Variants in CES4A observed in about 807,000 individuals in gnomAD.
CES4A encodes carboxylesterase 6.
A neutral mutation model predicts 65.4 loss-of-function variants in CES4A; 48 were observed. The ratio of observed to expected loss-of-function variants is 0.73; its 90% CI spans 0.58 to 0.93. The LOEUF is 0.93. CES4A is among the 40% of genes least tolerant of loss of function. CES4A has a pLI of 0.00. For synonymous variants in CES4A, 247 were observed against 281.8 expected, an observed-to-expected ratio of 0.88 and a Z score of 1.24; for missense variants, 685 against 728.5, an observed-to-expected ratio of 0.94 and a Z score of 0.69.
At chr16:66,991,680 G>A (rs1240018567) in intron 1 of CES4A, among the ~76,000 whole-genome samples, 1 of 152,198 alleles carries the variant, frequency 6.6e-6, no homozygotes, top group Non-Finnish European at 1.5e-5. Flanking sequence ...GAAAAACATG[G>A]TTTAAGGCAC....
chr16:67,009,298 T>C (rs947484796), exon 14 of CES4A: 1 of 693,630 alleles, frequency 1.4e-6, no homozygotes, highest in South Asian at 2.0e-5. Flanking sequence ...GCTAGAGCTT[T>C]TGCCTGTTGT....
chr16:66,992,905 T>G (rs1964503145), intron 1 of CES4A, among the ~76,000 whole-genome samples: 1 of 152,104 alleles, frequency 6.6e-6, no homozygotes, highest in African/African-American at 2.4e-5. Context: ...AGACTGGTCT[T>G]GAACTCCTGA....
chr16:67,000,487 G>A lies in CES4A; in HGVS notation c.261-151G>A. On this transcript the variant is annotated intron_variant, in intron 2 of 13. Transcript: ENST00000648724. The surrounding 1 kb of genome is among the most constrained non-coding windows in gnomAD (Gnocchi z 4.2). ...AGTCCTGGGCCCCGGGGCTGGCGGA[G>A]GCCTCCTGTACACGCACACGCACGC... The A allele has an allele frequency of 3.5e-6, 5 of 1,424,888 alleles. No individual in the cohort carries two copies. In the South Asian group the frequency reaches 6.0e-5, roughly 17 times the overall value. 88.3% of individuals were successfully genotyped at this position (1,424,888 alleles called of 1,614,324 possible). A position where few individuals can be genotyped will look rare whatever the true frequency, so the allele number is the denominator to read the frequency against.
chr16:67,004,551 G>A (rs917612566), intron 9 of CES4A, among the ~76,000 whole-genome samples: 2 of 152,194 alleles, frequency 1.3e-5, no homozygotes, highest in African/African-American at 4.8e-5. Flanking sequence ...CTGGGTCAGG[G>A]TAGATGCCCC....
At position 67,003,354 on chromosome 16, in the gene CES4A, CA is replaced by C. The variant is rs1243164716; in HGVS notation, c.896del (p.Lys299ArgfsTer2). ...GGACCAAGGTGATGCGTGTGTCCAA[CA>C]AGATGGTAGGTAGAACATTCCAGCT... On this transcript the variant is annotated frameshift_variant, in exon 7 of 14. Coordinates refer to ENST00000648724, the Ensembl canonical transcript of CES4A. LOFTEE classifies it high-confidence loss of function. The surrounding 1 kb of genome is among the most constrained non-coding windows in gnomAD (Gnocchi z 4.2). The C allele has an allele frequency of 6.2e-7, 1 of 1,613,632 alleles. No individual in the cohort carries two copies. The highest frequency in any genetic ancestry group is 8.5e-7 in the Non-Finnish European group (1 of 1,179,802).
At chr16:66,996,809 T>A (rs1426037774) in intron 2 of CES4A, among the ~76,000 whole-genome samples, 1 of 152,020 alleles carries the variant, frequency 6.6e-6, no homozygotes, top group Non-Finnish European at 1.5e-5. Context: ...ATACCAGAAT[T>A]TTGATAGGCC....
chr16:66,995,640 C>A, exon 2 of CES4A: 5 of 1,614,096 alleles, frequency 3.1e-6, no homozygotes, highest in Non-Finnish European at 4.2e-6. Context: ...GCCTTGCACA[C>A]CAAGAGGCCT....
At chr16:66,989,528 G>A (rs987901719) in intron 1 of CES4A, among the ~76,000 whole-genome samples, 2 of 151,538 alleles carry the variant, frequency 1.3e-5, no homozygotes, top group African/African-American at 2.4e-5. Flanking sequence ...ACCTAGCCTG[G>A]GTAAATAGAC....
At chr16:67,004,410 G>A (rs1227229610) in intron 9 of CES4A, among the ~76,000 whole-genome samples, 186 bp downstream of exon 9, 1 of 152,210 alleles carries the variant, frequency 6.6e-6, no homozygotes, top group Non-Finnish European at 1.5e-5. Context: ...GAATGATGGA[G>A]GGGAAGAAGG....
chr16:66,989,106 C>T (rs1964172006), intron 1 of CES4A, among the ~76,000 whole-genome samples: 1 of 152,150 alleles, frequency 6.6e-6, no homozygotes, highest in Non-Finnish European at 1.5e-5. Flanking sequence ...TTTCTTCCTT[C>T]CCACCTTTTT....
chr16:66,996,515 C>T (rs961651261), intron 2 of CES4A, among the ~76,000 whole-genome samples: 1 of 152,188 alleles, frequency 6.6e-6, no homozygotes. Context: ...AGCCCTGAGT[C>T]ACAGAAGCAT....
rs1280963965 is a variant in CES4A, at chr16:67,001,208, A to G, written c.537-100A>G. The stretch of plus-strand genomic sequence containing the variant: ...GTGTGGTCGCAGGACTGGGTCTTAG[A>G]GGGGCAAGGCTGGGCTGGGTGGGGG... On this transcript the variant is annotated intron_variant, in intron 4 of 13. Transcript: ENST00000648724. The surrounding 1 kb of genome is among the most constrained non-coding windows in gnomAD (Gnocchi z 4.1). 2.6e-5 allele frequency: 37 copies of G among 1,399,344 alleles called. No individual in the cohort carries two copies. The highest frequency in any genetic ancestry group is 3.1e-5 in the Non-Finnish European group (33 of 1,057,860). The allele number at this position is 1,399,344 out of a possible 1,614,324, so 86.7% of individuals were successfully genotyped here.
chr16:67,007,025 A>C, intron 13 of CES4A: 1 of 557,118 alleles, frequency 1.8e-6, no homozygotes, highest in Non-Finnish European at 3.2e-6. Context: ...CATGACCCAC[A>C]CTCTTCATTC....
Position 67,000,092 on chromosome 16 carries a change from G to T in CES4A, c.261-546G>T, listed in dbSNP as rs143876555. Among the ~76,000 whole-genome samples the T allele has an allele frequency of 3.3e-3, 507 of 152,286 alleles. 2 individuals carry two copies. Among genetic ancestry groups the T allele is most frequent in the African/African-American group, 0.011 (469 of 41,560 alleles). On this transcript the variant is annotated intron_variant, in intron 2 of 13. Transcript: ENST00000648724. The surrounding 1 kb of genome is among the most constrained non-coding windows in gnomAD (Gnocchi z 4.2). Reference sequence around the variant, plus strand: ...TGGAGAGCCAGGGAAGATTTTTGTTGATTTGTTTGTTTTTATTGATATATC... The same window carrying T: ...TGGAGAGCCAGGGAAGATTTTTGTTTATTTGTTTGTTTTTATTGATATATC...
chr16:67,005,085 A>G, intron 10 of CES4A, 155 bp from the exon 11 acceptor site: 6 of 844,882 alleles, frequency 7.1e-6, no homozygotes, highest in Non-Finnish European at 1.2e-5. Flanking sequence ...AGGGGTTACA[A>G]TCAGCAGAGA....
At chr16:66,988,727 C>G in exon 1 of CES4A, 1 of 1,552,488 alleles carries the variant, frequency 6.4e-7, no homozygotes, top group Non-Finnish European at 8.7e-7. Flanking sequence ...TGTTGCCATC[C>G]ACAGTGTTGC....
rs766294699 is a variant in CES4A, at chr16:67,003,031, T to C, written c.691-39T>C. 5.2e-6 allele frequency: 8 copies of C among 1,538,844 alleles called. No individual in the cohort carries two copies. The highest frequency in any genetic ancestry group is 2.2e-5 in the East Asian group (1 of 44,508). On this transcript the variant is annotated intron_variant, in intron 5 of 13. Transcript: ENST00000648724. The surrounding 1 kb of genome is among the most constrained non-coding windows in gnomAD (Gnocchi z 4.2). Reference sequence around the variant, plus strand: ...CCCAGAACAGCCCAGGTGTCTCTACTTGGGCATCTCACGGGTGTATTCCTC... The same window carrying C: ...CCCAGAACAGCCCAGGTGTCTCTACCTGGGCATCTCACGGGTGTATTCCTC...
chr16:66,993,672 C>A (rs1597052803), intron 1 of CES4A, among the ~76,000 whole-genome samples: 1 of 152,272 alleles, frequency 6.6e-6, no homozygotes, highest in Middle Eastern at 3.4e-3. Flanking sequence ...TGTAGATGAG[C>A]TGTGCTCACA....
At chr16:66,989,028 C>T (rs140418356) in intron 1 of CES4A, among the ~76,000 whole-genome samples, 198 bp downstream of exon 1, 1 of 152,172 alleles carries the variant, frequency 6.6e-6, no homozygotes, top group African/African-American at 2.4e-5. Flanking sequence ...CCTCCCTGAA[C>T]CTCAGGGCTT....
Sources: allele counts gnomAD v4.1 joint callset (sites outside exome capture counted in the v4.1 genomes callset), GRCh38; gene constraint gnomAD v4.1.1; non-coding constraint Gnocchi (gnomAD v3.1); transcripts MANE v1.5; gene names NCBI Gene and HGNC (gene_info 2026-07-23, HGNC 2026-07-21).